ST6GALNAC3: variants seen among roughly 807,000 people sequenced by gnomAD.
The protein encoded by ST6GALNAC3 is alpha-N-acetylgalactosaminide alpha-2,6-sialyltransferase 3.
ST6GALNAC3 carries 25 observed loss-of-function variants against 32.7 expected under a neutral mutation model. That is an observed-to-expected ratio of 0.76 (90% CI 0.56 to 1.07). ST6GALNAC3 has a LOEUF of 1.07. Among genes scored for constraint, ST6GALNAC3 ranks in the 50% least tolerant of loss-of-function variants. The probability of loss-of-function intolerance (pLI) is 0.00; values close to 1 mark genes in which losing one functional copy is unlikely to be tolerated. For missense variants in ST6GALNAC3, 355 were observed against 382.4 expected (o/e 0.93, Z 0.60); for synonymous variants, 129 against 133.1 (o/e 0.97, Z 0.21).
At position 76,509,809 on chromosome 1, in the gene ST6GALNAC3, G is replaced by C. The variant is rs192838620; in HGVS notation, c.623+97392G>C. Among the ~76,000 whole-genome samples the C allele has an allele frequency of 6.6e-6, 1 of 152,038 alleles. No homozygotes were observed. The highest frequency in any genetic ancestry group is 2.4e-5 in the African/African-American group (1 of 41,386). On this transcript the variant is annotated intron_variant, in intron 3 of 4. Transcript: ENST00000328299. This position sits in a 1 kb window ranked among gnomAD's most constrained non-coding sequence, Gnocchi z 5.5. ...TCACATATCTTTTCCTCACATTGCT[G>C]TTTCTCTATTTCTCTTTTAAGGACC...
At chr1:76,502,077 G>GA (rs1361059444) in intron 3 of ST6GALNAC3, among the ~76,000 whole-genome samples, 6 of 151,906 alleles carry the variant, frequency 3.9e-5, no homozygotes, top group Admixed American at 1.3e-4. Context: ...CTCTTATCAG[G>GA]AAAAAAAATA....
rs1012286492 is a variant in ST6GALNAC3, at chr1:76,412,361, A to G, written c.567A>G (p.Thr189=). Reference sequence around the variant, plus strand: ...CGAATGCCCAAATATACGTGACCACAGAGAAGCGCATGAGTTACTGTGATG... The same window carrying G: ...CGAATGCCCAAATATACGTGACCACGGAGAAGCGCATGAGTTACTGTGATG... ...IYPNAQIYVT[T]EKRMSYCDGV... Residue 189 remains threonine, a synonymous_variant, in exon 3 of 5, where the codon ACA becomes ACG. Transcript: ENST00000328299. The G allele has an allele frequency of 3.1e-6, 5 of 1,613,248 alleles. No homozygotes were observed. Among genetic ancestry groups the G allele is most frequent in the Non-Finnish European group, 4.2e-6 (5 of 1,179,602 alleles).
intron 1 of ST6GALNAC3, among the ~76,000 whole-genome samples, chr1:76,118,135 C>T (rs551973714): frequency 6.6e-6 from 1 of 152,074 alleles, no homozygotes; most frequent in Non-Finnish European, 1.5e-5. Context: ...GCTCTCCCTC[C>T]CCTTGCCCCC....
rs532290781 is a variant in ST6GALNAC3, at chr1:76,295,390, G to A, written c.19-18415G>A. ...TCGGTACTATTGCATTTGGTAAAAGGCAGGGTGTTAGAATCTGTGTGTATG... is the reference window on the plus strand; with the variant it reads ...TCGGTACTATTGCATTTGGTAAAAGACAGGGTGTTAGAATCTGTGTGTATG... On this transcript the variant is annotated intron_variant, in intron 1 of 4. Coordinates refer to ENST00000328299, the MANE Select transcript of ST6GALNAC3 (RefSeq NM_152996.4). Among the ~76,000 whole-genome samples the A allele has an allele frequency of 2.6e-5, 4 of 152,192 alleles. No homozygotes were observed. In the East Asian group the frequency reaches 7.7e-4, roughly 29 times the overall value.
At chr1:76,399,419 C>A (rs745522130) in intron 2 of ST6GALNAC3, among the ~76,000 whole-genome samples, 25 of 152,292 alleles carry the variant, frequency 1.6e-4, no homozygotes, top group South Asian at 2.1e-4. Context: ...AAAAATGTCT[C>A]ATTTCCTCTG....
intron 1 of ST6GALNAC3, among the ~76,000 whole-genome samples, chr1:76,250,526 G>A (rs1033180470): frequency 6.6e-6 from 1 of 152,192 alleles, no homozygotes; most frequent in African/African-American, 2.4e-5. Flanking sequence ...GTAAGCAGAG[G>A]CCTTCAGCCA....
In ST6GALNAC3 at chr1:76,130,891, T is replaced by A. The variant is rs184308362; in HGVS notation, c.18+56007T>A. Among the ~76,000 whole-genome samples, 83 of 152,328 alleles carry A rather than the reference T, an allele frequency of 5.4e-4. No individual in the cohort carries two copies. The East Asian group carries it at 0.012, about 22-fold the overall frequency. On this transcript the variant is annotated intron_variant, in intron 1 of 4. Coordinates refer to ENST00000328299, the MANE Select transcript of ST6GALNAC3 (RefSeq NM_152996.4). ...CAGCATGTTGGGTGCTGTGGACATT[T>A]GAAGTTTCATGCAGGCTCCAAATAT... is the stretch of plus-strand genomic sequence containing the variant.
chr1:76,269,796 A>G (rs926535272), intron 1 of ST6GALNAC3, among the ~76,000 whole-genome samples: 2 of 152,182 alleles, frequency 1.3e-5, no homozygotes, highest in Admixed American at 1.3e-4. Context: ...TGTCACATCC[A>G]CTATGAATAC....
In ST6GALNAC3 at chr1:76,594,190, TAA is replaced by T. The variant is rs1402758420; in HGVS notation, c.624-33257_624-33256del. Among the ~76,000 whole-genome samples, 4 of 152,222 alleles carry T rather than the reference TAA, an allele frequency of 2.6e-5. No individual in the cohort carries two copies. The East Asian group carries it at 7.7e-4, about 29-fold the overall frequency. On this transcript the variant is annotated intron_variant, in intron 3 of 4. Coordinates refer to ENST00000328299, the MANE Select transcript of ST6GALNAC3 (RefSeq NM_152996.4). ...TATGCTTTTTTTAGGAGTATAAACGTAAAAAATACTAACAAAAAATGAAGCTA... is the reference window on the plus strand; with the variant it reads ...TATGCTTTTTTTAGGAGTATAAACGTAAAATACTAACAAAAAATGAAGCTA...
intron 1 of ST6GALNAC3, among the ~76,000 whole-genome samples, chr1:76,229,757 C>T (rs1031474028): frequency 6.6e-6 from 1 of 152,152 alleles, no homozygotes; most frequent in African/African-American, 2.4e-5. Flanking sequence ...GTGAGAGATG[C>T]AGCCTTGCTC....
intron 3 of ST6GALNAC3, among the ~76,000 whole-genome samples, chr1:76,497,345 T>G (rs985703897): frequency 2.6e-5 from 4 of 151,980 alleles, no homozygotes; most frequent in African/African-American, 7.3e-5. Flanking sequence ...CTCCACAAAT[T>G]AAGAGAAATA....
intron 1 of ST6GALNAC3, among the ~76,000 whole-genome samples, chr1:76,278,251 C>T (rs1401596529): frequency 4.9e-5 from 5 of 101,600 alleles, no homozygotes; most frequent in African/African-American, 7.5e-5. Flanking sequence ...GATGGAGTCT[C>T]GCTCTGTCAT....
chr1:76,290,734 A>G (rs553379395), intron 1 of ST6GALNAC3, among the ~76,000 whole-genome samples: 3 of 152,228 alleles, frequency 2.0e-5, no homozygotes, highest in South Asian at 4.2e-4. Context: ...GGACATTTGC[A>G]TTTGGCAACT....
intron 2 of ST6GALNAC3, among the ~76,000 whole-genome samples, chr1:76,387,740 C>T (rs529802729): frequency 2.6e-5 from 4 of 152,040 alleles, no homozygotes; most frequent in Non-Finnish European, 5.9e-5. Flanking sequence ...ATTCTGTTGA[C>T]TGAGGTCATA....
intron 1 of ST6GALNAC3, among the ~76,000 whole-genome samples, chr1:76,229,083 C>T (rs1656223408): frequency 6.6e-6 from 1 of 152,018 alleles, no homozygotes; most frequent in Admixed American, 6.6e-5. Flanking sequence ...ATGGCCAGAC[C>T]CTATATGAAA....
chr1:76,294,921 T>C (rs1660305425), intron 1 of ST6GALNAC3, among the ~76,000 whole-genome samples: 1 of 152,134 alleles, frequency 6.6e-6, no homozygotes, highest in African/African-American at 2.4e-5. Flanking sequence ...ATTTCCATAA[T>C]TTGTGATGGA....
intron 1 of ST6GALNAC3, among the ~76,000 whole-genome samples, chr1:76,282,038 A>T (rs887013433): frequency 7.2e-5 from 11 of 152,104 alleles, no homozygotes; most frequent in Non-Finnish European, 1.0e-4. Context: ...AAAATTCCTA[A>T]ATCAATGCCC....
At chr1:76,291,840 C>G (rs746171966) in intron 1 of ST6GALNAC3, among the ~76,000 whole-genome samples, 5 of 152,136 alleles carry the variant, frequency 3.3e-5, no homozygotes, top group Non-Finnish European at 7.4e-5. Flanking sequence ...CAATTTGTTC[C>G]TTGAACATCT....
At chr1:76,099,359 T>C (rs550626476) in intron 1 of ST6GALNAC3, among the ~76,000 whole-genome samples, 5 of 152,224 alleles carry the variant, frequency 3.3e-5, no homozygotes, top group African/African-American at 1.2e-4. Context: ...CACTTCTAGG[T>C]ATTTATCCAA....
Sources: allele counts gnomAD v4.1 joint callset (sites outside exome capture counted in the v4.1 genomes callset), GRCh38; gene constraint gnomAD v4.1.1; non-coding constraint Gnocchi (gnomAD v3.1); transcripts MANE v1.5; gene names NCBI Gene and HGNC (gene_info 2026-07-23, HGNC 2026-07-21).